PXDC1: variants seen among roughly 807,000 people sequenced by gnomAD.
PXDC1 encodes the protein PX domain-containing protein 1.
PXDC1 carries 13 observed loss-of-function variants against 24.4 expected under a neutral mutation model. That is an observed-to-expected ratio of 0.53 (90% CI 0.35 to 0.85). PXDC1 has a LOEUF of 0.85. Among genes scored for constraint, PXDC1 ranks in the 40% least tolerant of loss-of-function variants. The pLI, the probability that PXDC1 is intolerant of heterozygous loss-of-function variation, is 0.01. For synonymous variants in PXDC1, 162 were observed against 124.9 expected (o/e 1.30, Z -1.98); for missense variants, 344 against 309.3 (o/e 1.11, Z -0.84).
chr6:3,747,728 C>G (rs1005134028), intron 1 of PXDC1, among the ~76,000 whole-genome samples: 1 of 152,168 alleles, frequency 6.6e-6, no homozygotes, highest in African/African-American at 2.4e-5. Context: ...CTTATTTTTC[C>G]TTTTGAACAT....
At chr6:3,747,526 C>T in intron 1 of PXDC1, among the ~76,000 whole-genome samples, 1 of 152,150 alleles carries the variant, frequency 6.6e-6, no homozygotes, top group East Asian at 1.9e-4. Flanking sequence ...CCAAACCCAC[C>T]AGGCACATGC....
chr6:3,728,020 A>G lies in PXDC1; in HGVS notation c.467-358T>C, dbSNP rs1370114602. On this transcript the variant is annotated intron_variant, in intron 3 of 4. Transcript: ENST00000380283. This position sits in a 1 kb window ranked among gnomAD's most constrained non-coding sequence, Gnocchi z 4.0. ...GCGTGTGAGAGCAGAGCTATGGCAC[A>G]GTGACATGTGGCTCTGCCCAGGGTA... Among the ~76,000 whole-genome samples, 1 of 152,222 alleles carries G rather than the reference A, an allele frequency of 6.6e-6. No individual in the cohort carries two copies. Among genetic ancestry groups the G allele is most frequent in the African/African-American group, 2.4e-5 (1 of 41,462 alleles).
chr6:3,728,816 C>A lies in PXDC1; in HGVS notation c.467-1154G>T, dbSNP rs993274714. 6.6e-6 allele frequency among the ~76,000 whole-genome samples: 1 copy of A among 152,172 alleles called. No individual in the cohort carries two copies. Among genetic ancestry groups the A allele is most frequent in the African/African-American group, 2.4e-5 (1 of 41,434 alleles). Reference sequence around the variant, plus strand: ...GGGACCGCGTTTCCGTCCCCTCGCTCAGCAGATGAGATCTGGTAGCCATGG... The same window carrying A: ...GGGACCGCGTTTCCGTCCCCTCGCTAAGCAGATGAGATCTGGTAGCCATGG... On this transcript the variant is annotated intron_variant, in intron 3 of 4. Coordinates refer to ENST00000380283, the MANE Select transcript of PXDC1 (RefSeq NM_183373.4). The surrounding 1 kb of genome is among the most constrained non-coding windows in gnomAD (Gnocchi z 4.0).
At chr6:3,738,740 G>A (rs897060760) in intron 1 of PXDC1, 22 of 1,275,728 alleles carry the variant, frequency 1.7e-5, no homozygotes, top group Middle Eastern at 2.4e-4. Flanking sequence ...TGCTTCTCAC[G>A]GTCACCACAC....
intron 3 of PXDC1, among the ~76,000 whole-genome samples, chr6:3,732,871 T>C (rs1760233552): frequency 6.6e-6 from 1 of 152,120 alleles, no homozygotes; most frequent in Admixed American, 6.5e-5. Context: ...CGTATGTCAG[T>C]GGCATAAGAA....
At chr6:3,726,954 CTG>C (rs1760084155) in intron 4 of PXDC1, among the ~76,000 whole-genome samples, 1 of 152,236 alleles carries the variant, frequency 6.6e-6, no homozygotes, top group Non-Finnish European at 1.5e-5. Flanking sequence ...CTGGATTTGG[CTG>C]TGTCAGGAAA....
At position 3,729,111 on chromosome 6, in the gene PXDC1, C is replaced by T. The variant is rs548311823; in HGVS notation, c.467-1449G>A. Among the ~76,000 whole-genome samples, 12 of 152,278 alleles carry T rather than the reference C, an allele frequency of 7.9e-5. No homozygotes were observed. In the East Asian group the frequency reaches 2.1e-3, roughly 27 times the overall value. On this transcript the variant is annotated intron_variant, in intron 3 of 4. Coordinates refer to ENST00000380283, the MANE Select transcript of PXDC1 (RefSeq NM_183373.4). ...ACAGGAACATCGCTCACTGCCCCATCGGATGCCTTAGTTGCTTGGGGGACT... is the reference window on the plus strand; with the variant it reads ...ACAGGAACATCGCTCACTGCCCCATTGGATGCCTTAGTTGCTTGGGGGACT...
At chr6:3,736,859 C>A (rs915572666) in intron 3 of PXDC1, among the ~76,000 whole-genome samples, 2 of 152,164 alleles carry the variant, frequency 1.3e-5, no homozygotes, top group Non-Finnish European at 2.9e-5. Flanking sequence ...AATTTACATG[C>A]CAAACAAACC....
chr6:3,723,226 G>T lies in PXDC1; in HGVS notation c.*393C>A. 2 of 193,432 alleles carry T rather than the reference G, an allele frequency of 1.0e-5. No homozygotes were observed. The highest frequency in any genetic ancestry group is 2.1e-5 in the Non-Finnish European group (2 of 95,450). 12.0% of individuals were successfully genotyped at this position (193,432 alleles called of 1,614,324 possible). ...TTGCCGTGGGAGGGAATGGTGGGGAGTCAGGGTGGCTGGGGGGCACTAGGC... is the reference window on the plus strand; with the variant it reads ...TTGCCGTGGGAGGGAATGGTGGGGATTCAGGGTGGCTGGGGGGCACTAGGC... On this transcript the variant is annotated 3_prime_UTR_variant, in exon 5 of 5. Transcript: ENST00000380283.
At chr6:3,745,826 G>A (rs1447927727) in intron 1 of PXDC1, among the ~76,000 whole-genome samples, 1 of 152,208 alleles carries the variant, frequency 6.6e-6, no homozygotes, top group Admixed American at 6.5e-5. Context: ...TGCACCCGCT[G>A]TCCACCATGT....
intron 1 of PXDC1, among the ~76,000 whole-genome samples, chr6:3,742,840 TG>T (rs1436707822): frequency 4.6e-5 from 7 of 152,312 alleles, no homozygotes; most frequent in Admixed American, 4.6e-4. Context: ...ATTTGGGGAC[TG>T]AGTATCAACA....
At chr6:3,730,075 C>G (rs894138868) in intron 3 of PXDC1, among the ~76,000 whole-genome samples, 21 of 152,204 alleles carry the variant, frequency 1.4e-4, no homozygotes, top group African/African-American at 4.6e-4. Flanking sequence ...GCAAGGCTGG[C>G]TGGGCCCTGA....
At position 3,724,415 on chromosome 6, in the gene PXDC1, G is replaced by C. The variant is rs1235302880; in HGVS notation, c.579-679C>G. 6.6e-6 allele frequency among the ~76,000 whole-genome samples: 1 copy of C among 152,178 alleles called. No homozygotes were observed. The highest frequency in any genetic ancestry group is 1.5e-5 in the Non-Finnish European group (1 of 68,024). On this transcript the variant is annotated intron_variant, in intron 4 of 4. Transcript: ENST00000380283. The surrounding 1 kb of genome is among the most constrained non-coding windows in gnomAD (Gnocchi z 4.5). ...CGCGATACTGACTCCCCACACACTG[G>C]AACTGTTTCTACTCCCTCTGCAGCC... is the stretch of plus-strand genomic sequence containing the variant.
At chr6:3,744,073 T>G (rs534968714) in intron 1 of PXDC1, among the ~76,000 whole-genome samples, 1 of 152,354 alleles carries the variant, frequency 6.6e-6, no homozygotes, top group East Asian at 1.9e-4. Flanking sequence ...TTAAACTTAC[T>G]GAGCTCTGCT....
rs1486652278 is a variant in PXDC1 at position 3,722,973 on chromosome 6, G to C, written c.*646C>G. The stretch of plus-strand genomic sequence containing the variant: ...CAGTCCAAGCTCACACGGTTATCTA[G>C]TCGGCAATGCCTTCCCTGCCCTGCA... On this transcript the variant is annotated 3_prime_UTR_variant, in exon 5 of 5. Transcript: ENST00000380283. 1 of 152,180 alleles carries C rather than the reference G, an allele frequency of 6.6e-6. No individual in the cohort carries two copies. The highest frequency in any genetic ancestry group is 1.5e-5 in the Non-Finnish European group (1 of 68,126). The allele number at this position is 152,180 out of a possible 1,614,324, so 9.4% of individuals were successfully genotyped here.
At position 3,751,648 on chromosome 6, in the gene PXDC1, G is replaced by T. The variant is rs1311204389; in HGVS notation, c.-117C>A. On this transcript the variant is annotated 5_prime_UTR_variant, in exon 1 of 5. Coordinates refer to ENST00000380283, the MANE Select transcript of PXDC1 (RefSeq NM_183373.4). ...CCGTGGCCGGGGTCGTCCGGGGTCG[G>T]CCCGTCACTCCAAGGAGGCTGCGTA... The T allele has an allele frequency of 1.5e-6, 2 of 1,331,718 alleles. No individual in the cohort carries two copies. Among genetic ancestry groups the T allele is most frequent in the African/African-American group, 1.6e-5 (1 of 64,188 alleles). The allele number at this position is 1,331,718 out of a possible 1,614,324, so 82.5% of individuals were successfully genotyped here.
Position 3,725,467 on chromosome 6 carries a change from C to T in PXDC1, c.579-1731G>A, listed in dbSNP as rs534926170. Among the ~76,000 whole-genome samples the T allele has an allele frequency of 6.6e-6, 1 of 152,328 alleles. No individual in the cohort carries two copies. Among genetic ancestry groups the T allele is most frequent in the African/African-American group, 2.4e-5 (1 of 41,576 alleles). Reference sequence around the variant, plus strand: ...CCCATCTCTATCAGATACATCCATTCCCTGAGTGCAGGTGGGTCTCTGGGC... The same window carrying T: ...CCCATCTCTATCAGATACATCCATTTCCTGAGTGCAGGTGGGTCTCTGGGC... On this transcript the variant is annotated intron_variant, in intron 4 of 4. Coordinates refer to ENST00000380283, the MANE Select transcript of PXDC1 (RefSeq NM_183373.4). The surrounding 1 kb of genome is among the most constrained non-coding windows in gnomAD (Gnocchi z 4.8).
At position 3,748,060 on chromosome 6, in the gene PXDC1, C is replaced by T. The variant is rs73355095; in HGVS notation, c.256+3216G>A. Among the ~76,000 whole-genome samples, 792 of 152,268 alleles carry T rather than the reference C, an allele frequency of 5.2e-3. 6 individuals are homozygous for T. The highest frequency in any genetic ancestry group is 0.018 in the African/African-American group (750 of 41,544). On this transcript the variant is annotated intron_variant, in intron 1 of 4. Coordinates refer to ENST00000380283, the MANE Select transcript of PXDC1 (RefSeq NM_183373.4). ...ATAACAATCGAAAAAGTCTAGGAGC[C>T]TCAAAATGCCAACAAGGAAATTCAA...
chr6:3,742,372 A>G (rs1262185540), intron 1 of PXDC1, among the ~76,000 whole-genome samples: 1 of 152,206 alleles, frequency 6.6e-6, no homozygotes, highest in African/African-American at 2.4e-5. Flanking sequence ...AGATCATCTA[A>G]AACTTTTGGT....
Sources: allele counts gnomAD v4.1 joint callset (sites outside exome capture counted in the v4.1 genomes callset), GRCh38; gene constraint gnomAD v4.1.1; non-coding constraint Gnocchi (gnomAD v3.1); transcripts MANE v1.5; gene names NCBI Gene and HGNC (gene_info 2026-07-23, HGNC 2026-07-21).